Variants in FAP observed in about 807,000 individuals in gnomAD.
FAP encodes prolyl endopeptidase FAP.
Under a neutral mutation model 126.5 loss-of-function variants are expected in FAP, and 110 were observed. That is an observed-to-expected ratio of 0.87 (90% CI 0.74 to 1.02). The LOEUF (loss-of-function observed/expected upper bound fraction) is 1.02, where lower values mean the gene tolerates loss of function less well. Among genes scored for constraint, FAP ranks in the 50% least tolerant of loss-of-function variants. FAP has a pLI of 0.00. For missense variants in FAP, 919 were observed against 909.2 expected (o/e 1.01, Z -0.14); for synonymous variants, 334 against 297.3 (o/e 1.12, Z -1.27).
rs1688369764 is a variant in FAP at position 162,198,778 on chromosome 2, A to T, written c.1381T>A (p.Tyr461Asn). ...CTACCGTAGCAGACAAGTGCATAGTACTTGGCGTAGTCGCTGAAACTTGCT... is the reference window on the plus strand; with the variant it reads ...CTACCGTAGCAGACAAGTGCATAGTTCTTGGCGTAGTCGCTGAAACTTGCT... The part of the protein sequence containing the change: ...YTASFSDYAK[Y>N]YALVCYGPGI... Residue 461 changes from tyrosine (Y) to asparagine (N), a missense_variant, in exon 16 of 26, where the codon TAC becomes AAC. By Grantham distance (143) the Tyr-to-Asn change is moderately radical. Transcript: ENST00000188790. The T allele has an allele frequency of 6.2e-7, 1 of 1,614,020 alleles. No homozygotes were observed. The highest frequency in any genetic ancestry group is 1.3e-5 in the African/African-American group (1 of 74,926).
chr2:162,213,146 G>A (rs185985872), intron 11 of FAP, among the ~76,000 whole-genome samples: 2 of 152,166 alleles, frequency 1.3e-5, no homozygotes, highest in East Asian at 1.9e-4. Context: ...GGGAGGCTGA[G>A]GCGGGTGGAT....
In FAP at chr2:162,226,635, G is replaced by C; in HGVS notation, c.92-14C>G. ...CAGAGTTATGAACTTTGGGGGAAGA[G>C]CAAATACATCCTTATTAAAAAGAAG... On this transcript the variant is annotated splice_polypyrimidine_tract_variant and intron_variant, in intron 2 of 25. Transcript: ENST00000188790. 1 of 1,334,494 alleles carries C rather than the reference G, an allele frequency of 7.5e-7. No homozygotes were observed. The highest frequency in any genetic ancestry group is 1.1e-6 in the Non-Finnish European group (1 of 937,910). 82.7% of individuals were successfully genotyped at this position (1,334,494 alleles called of 1,614,324 possible). A position where few individuals can be genotyped will look rare whatever the true frequency, so the allele number is the denominator to read the frequency against.
chr2:162,196,888 C>T (rs920485024), intron 16 of FAP, among the ~76,000 whole-genome samples: 6 of 152,074 alleles, frequency 3.9e-5, no homozygotes, highest in Admixed American at 6.6e-5. Context: ...ACCATACTGC[C>T]GAGGAAGAGT....
chr2:162,188,825 A>G (rs1430170232), intron 19 of FAP, among the ~76,000 whole-genome samples: 1 of 151,998 alleles, frequency 6.6e-6, no homozygotes, highest in Non-Finnish European at 1.5e-5. Flanking sequence ...TTTGGCTGCA[A>G]TTTCTCTATC....
At chr2:162,198,078 G>A (rs1258113300) in intron 16 of FAP, 17 of 882,532 alleles carry the variant, frequency 1.9e-5, no homozygotes, top group African/African-American at 1.4e-4. Flanking sequence ...AAAATTATAT[G>A]GGTAGAAATT....
chr2:162,186,805 T>C lies in FAP; in HGVS notation c.1814+1364A>G, dbSNP rs143884752. Among the ~76,000 whole-genome samples the C allele has an allele frequency of 4.8e-4, 73 of 152,170 alleles. 1 individual carries two copies. The highest frequency in any genetic ancestry group is 7.5e-4 in the Non-Finnish European group (51 of 67,970). ...AAAAGTCCCCCATGGAATTAAGCTA[T>C]AATTCTGAGGATGGCGTTAATATTC... On this transcript the variant is annotated intron_variant, in intron 20 of 25. Transcript: ENST00000188790.
chr2:162,183,315 G>T, intron 21 of FAP, 99 bp downstream of exon 21: 1 of 917,292 alleles, frequency 1.1e-6, no homozygotes, highest in Non-Finnish European at 1.7e-6. Context: ...AAATTATGTT[G>T]CAACATTAAC....
In FAP at chr2:162,218,025, A is replaced by G; in HGVS notation, c.723T>C (p.Asp241=). ...TATTTATTGTTCTAGGATATTGTTC[A>G]TCGCCATAATAGGAATAGGCAATAA... ...IPVIAYSYYG[D]EQYPRTINIP... The change falls in exon 9 of 26, where the codon GAT becomes GAC. Residue 241 remains aspartate, a synonymous_variant. Coordinates refer to ENST00000188790, the MANE Select transcript of FAP (RefSeq NM_004460.5). 2 of 1,603,094 alleles carry G rather than the reference A, an allele frequency of 1.2e-6. No homozygotes were observed. Among genetic ancestry groups the G allele is most frequent in the Non-Finnish European group, 1.7e-6 (2 of 1,174,966 alleles).
At chr2:162,226,860 A>G (rs907888644) in intron 2 of FAP, among the ~76,000 whole-genome samples, 38 of 152,146 alleles carry the variant, frequency 2.5e-4, no homozygotes, top group Admixed American at 9.2e-4. Context: ...AACTGGCTGG[A>G]AACTGTAGAG....
chr2:162,183,845 G>A (rs879608641), intron 20 of FAP, among the ~76,000 whole-genome samples: 2 of 151,912 alleles, frequency 1.3e-5, no homozygotes, highest in Non-Finnish European at 2.9e-5. Flanking sequence ...CGGAAAGAAG[G>A]ATTTTGTTCT....
intron 12 of FAP, among the ~76,000 whole-genome samples, chr2:162,204,042 C>CTCTA (rs1688602181): frequency 6.6e-6 from 1 of 152,168 alleles, no homozygotes; most frequent in Non-Finnish European, 1.5e-5. Context: ...GAAAGAGCTA[C>CTCTA]TCTACATCAT....
intron 16 of FAP, 74 bp downstream of exon 16, chr2:162,198,683 T>C (rs1688362749): frequency 6.5e-7 from 1 of 1,529,904 alleles, no homozygotes; most frequent in Non-Finnish European, 9.0e-7. Flanking sequence ...AGCTACGAAT[T>C]GATCAGATAG....
intron 21 of FAP, among the ~76,000 whole-genome samples, chr2:162,183,170 G>T (rs939047350): frequency 6.6e-6 from 1 of 151,846 alleles, no homozygotes; most frequent in Admixed American, 6.6e-5. Flanking sequence ...TAGTAACAAA[G>T]ACTTAAGTAA....
At chr2:162,205,322 T>A (rs1688662265) in intron 12 of FAP, among the ~76,000 whole-genome samples, 1 of 152,208 alleles carries the variant, frequency 6.6e-6, no homozygotes, top group Non-Finnish European at 1.5e-5. Context: ...ATATTGAGAC[T>A]AATGCTTCCA....
intron 21 of FAP, chr2:162,175,808 T>C (rs1245898563): frequency 6.6e-6 from 1 of 152,140 alleles, no homozygotes; most frequent in Admixed American, 6.5e-5. Context: ...GAACAGGGCA[T>C]CCAAATAAGG....
chr2:162,188,995 C>A, intron 19 of FAP, 108 bp downstream of exon 19: 2 of 565,776 alleles, frequency 3.5e-6, no homozygotes, highest in Admixed American at 5.9e-5. Context: ...AAAACAGCAT[C>A]AATAGGCACT....
rs1559764561 is a variant in FAP, at chr2:162,185,874, G to C, written c.1814+2295C>G. ...TAGGAGGTATATTGAATCATCCCTA[G>C]GATTATTATTCTGAGTCTATCCTAT... On this transcript the variant is annotated intron_variant, in intron 20 of 25. Coordinates refer to ENST00000188790, the MANE Select transcript of FAP (RefSeq NM_004460.5). Among the ~76,000 whole-genome samples, 3 of 151,974 alleles carry C rather than the reference G, an allele frequency of 2.0e-5. No homozygotes were observed. In the South Asian group the frequency reaches 6.2e-4, roughly 32 times the overall value.
At chr2:162,197,406 A>G (rs2106238619) in intron 16 of FAP, among the ~76,000 whole-genome samples, 1 of 152,326 alleles carries the variant, frequency 6.6e-6, no homozygotes, top group South Asian at 2.1e-4. Context: ...ATAAATATAT[A>G]GCTTAGGTTG....
At chr2:162,213,407 A>T (rs1212315104) in intron 11 of FAP, among the ~76,000 whole-genome samples, 2 of 151,004 alleles carry the variant, frequency 1.3e-5, no homozygotes, top group African/African-American at 2.5e-5. Flanking sequence ...AAACAAACAA[A>T]AAAAACAAAA....
Sources: allele counts gnomAD v4.1 joint callset (sites outside exome capture counted in the v4.1 genomes callset), GRCh38; gene constraint gnomAD v4.1.1; transcripts MANE v1.5; gene names NCBI Gene and HGNC (gene_info 2026-07-23, HGNC 2026-07-21).